The following USP34 variants were observed in gnomAD, a reference collection of about 807,000 sequenced individuals.
USP34 encodes the protein ubiquitin carboxyl-terminal hydrolase 34.
Under a neutral mutation model 460.3 loss-of-function variants are expected in USP34, and 70 were observed. That is an observed-to-expected ratio of 0.15 (90% confidence interval 0.13 to 0.19). USP34 has a LOEUF of 0.19. USP34 is among the 10% of genes least tolerant of loss of function. The probability of loss-of-function intolerance (pLI) is 1.00; values close to 1 mark genes in which losing one functional copy is unlikely to be tolerated. For missense variants in USP34, 3,985 were observed against 4,236.2 expected (o/e 0.94, Z 1.65); for synonymous variants, 1,647 against 1,405.3 (o/e 1.17, Z -3.85).
In USP34 at chr2:61,281,208, T is replaced by C. The variant is rs754032328; in HGVS notation, c.5033A>G (p.Tyr1678Cys). 8.1e-6 allele frequency: 13 copies of C among 1,613,876 alleles called. No homozygotes were observed. Among genetic ancestry groups the C allele is most frequent in the East Asian group, 4.5e-5 (2 of 44,878 alleles). ...ATCCAGCCCTGACAGGGATAACTTA[T>C]AGAGACCACTGCATGATTCATGACG... ...AVRHESCSGL[Y>C]KLSLSGLDGG... The change falls in exon 38 of 80, where the codon TAT becomes TGT. Residue 1678 changes from tyrosine to cysteine, a missense_variant. This residue lies in a region of USP34 where 1,114 missense variants were observed against 1,122.5 expected (regional missense o/e 0.99). Coordinates refer to ENST00000398571, the MANE Select transcript of USP34 (RefSeq NM_014709.4).
chr2:61,470,652 T>C lies in USP34; in HGVS notation c.41A>G (p.Glu14Gly). 2 of 1,593,606 alleles carry C rather than the reference T, an allele frequency of 1.3e-6. No homozygotes were observed. The highest frequency in any genetic ancestry group is 1.7e-6 in the Non-Finnish European group (2 of 1,169,412). ...NCADLVEVLNEISDVEGGDGL... is the reference protein window; with the variant it reads ...NCADLVEVLNGISDVEGGDGL... ...AGGCCGCTACCGCGGCTACTTACTT[T>C]CATTTAACACCTCCACCAGGTCTGC... Residue 14 changes from glutamate (E) to glycine (G), a missense_variant and splice_region_variant, in exon 1 of 80, where the codon GAA becomes GGA. Physicochemically the swap from Glu to Gly is moderately conservative, Grantham distance 98. Coordinates refer to ENST00000398571, the MANE Select transcript of USP34 (RefSeq NM_014709.4).
chr2:61,303,830 C>T (rs1483725363), intron 27 of USP34, among the ~76,000 whole-genome samples: 1 of 150,996 alleles, frequency 6.6e-6, no homozygotes, highest in Non-Finnish European at 1.5e-5. Context: ...CTCCTGACCT[C>T]GTGATCTGCC....
In USP34 at chr2:61,301,204, G is replaced by C. The variant is rs757525300; in HGVS notation, c.3919-44C>G. 1.1e-5 allele frequency: 17 copies of C among 1,558,734 alleles called. No individual in the cohort carries two copies. In the South Asian group the frequency reaches 1.8e-4, roughly 17 times the overall value. ...AAAATTTATGCATATCAAGCTTTTAGTTTAATAAAACGGTAAATCTGAAGT... is the reference window on the plus strand; with the variant it reads ...AAAATTTATGCATATCAAGCTTTTACTTTAATAAAACGGTAAATCTGAAGT... On this transcript the variant is annotated intron_variant, in intron 28 of 79. Coordinates refer to ENST00000398571, the MANE Select transcript of USP34 (RefSeq NM_014709.4).
At chr2:61,295,354 T>C in intron 30 of USP34, 64 bp from the exon 31 acceptor site, 1 of 1,505,948 alleles carries the variant, frequency 6.6e-7, no homozygotes, top group Non-Finnish European at 8.8e-7. Context: ...AGAAAAACTT[T>C]AAACAAACTG....
intron 1 of USP34, among the ~76,000 whole-genome samples, chr2:61,465,636 A>G (rs1695738687): frequency 6.6e-6 from 1 of 152,160 alleles, no homozygotes; most frequent in Non-Finnish European, 1.5e-5. Context: ...TCAGACCAGG[A>G]GTTTGAGACC....
chr2:61,445,656 A>AAAT (rs1695093828), intron 1 of USP34, among the ~76,000 whole-genome samples: 1 of 151,894 alleles, frequency 6.6e-6, no homozygotes, highest in Non-Finnish European at 1.5e-5. Flanking sequence ...AAACTGTATA[A>AAAT]AATAATAATA....
At chr2:61,283,375 T>TA in intron 36 of USP34, 34 bp downstream of exon 36, 4 of 1,586,828 alleles carry the variant, frequency 2.5e-6, no homozygotes, top group Non-Finnish European at 3.4e-6. Flanking sequence ...TTCAAGTTTT[T>TA]ATTTATTAAA....
chr2:61,358,429 G>T (rs993835705), intron 10 of USP34, among the ~76,000 whole-genome samples: 1 of 151,866 alleles, frequency 6.6e-6, no homozygotes, highest in Non-Finnish European at 1.5e-5. Flanking sequence ...CAACCTGGAA[G>T]ATTCCTTTCA....
chr2:61,352,000 C>T (rs1002130699), intron 10 of USP34, among the ~76,000 whole-genome samples: 2 of 152,090 alleles, frequency 1.3e-5, no homozygotes, highest in Admixed American at 6.6e-5. Flanking sequence ...AGTTAAGTAT[C>T]CCCTATCTGA....
chr2:61,283,445 A>C lies in USP34; in HGVS notation c.4837T>G (p.Leu1613Val). Residue 1613 changes from leucine to valine, a missense_variant, in exon 36 of 80, where the codon TTA becomes GTA. Transcript: ENST00000398571. ...GACCTGTGATCAGACTGAGCTTTTA[A>C]AACTCTGTAAAGTAAAAACACCACC... is the stretch of plus-strand genomic sequence containing the variant. The part of the protein sequence containing the change: ...YTYDNLAPRV[L>V]KAQSDHRSRH... The C allele has an allele frequency of 2.5e-6, 4 of 1,605,730 alleles. No individual in the cohort carries two copies. The highest frequency in any genetic ancestry group is 3.4e-6 in the Non-Finnish European group (4 of 1,177,114).
chr2:61,224,679 A>C (rs538243484), intron 62 of USP34, among the ~76,000 whole-genome samples: 1 of 152,342 alleles, frequency 6.6e-6, no homozygotes, highest in East Asian at 1.9e-4. Context: ...AAAAATAATG[A>C]TTTGATTTCC....
intron 1 of USP34, among the ~76,000 whole-genome samples, chr2:61,453,666 C>T (rs1383016529): frequency 2.8e-5 from 4 of 143,102 alleles, no homozygotes; most frequent in African/African-American, 1.1e-4. Flanking sequence ...GCCAAGATTC[C>T]ACCACACCAC....
chr2:61,470,467 G>C (rs1199927896), intron 1 of USP34, among the ~76,000 whole-genome samples, 183 bp downstream of exon 1: 1 of 148,738 alleles, frequency 6.7e-6, no homozygotes, highest in Non-Finnish European at 1.5e-5. Flanking sequence ...CAGGTAACCC[G>C]GCCGGGCTGG....
intron 47 of USP34, 57 bp downstream of exon 47, chr2:61,256,816 G>A (rs1049553518): frequency 2.2e-5 from 29 of 1,328,464 alleles, no homozygotes; most frequent in African/African-American, 9.0e-5. Flanking sequence ...ACACAAACCC[G>A]CTATACACAA....
chr2:61,346,964 C>T (rs1043614504), intron 15 of USP34, among the ~76,000 whole-genome samples: 2 of 151,514 alleles, frequency 1.3e-5, no homozygotes, highest in Non-Finnish European at 2.9e-5. Context: ...ACGGTGAAAC[C>T]CCATCTCTAC....
intron 76 of USP34, among the ~76,000 whole-genome samples, chr2:61,191,550 C>A (rs1394903865): frequency 6.6e-6 from 1 of 152,180 alleles, no homozygotes; most frequent in Non-Finnish European, 1.5e-5. Context: ...GTCTACCAGT[C>A]ACAGCCTGTG....
chr2:61,427,430 C>G (rs890099896), intron 1 of USP34, among the ~76,000 whole-genome samples: 1 of 152,194 alleles, frequency 6.6e-6, no homozygotes, highest in African/African-American at 2.4e-5. Context: ...CAATGCCACT[C>G]AAGAACATCT....
At chr2:61,278,685 A>T (rs1298192110) in intron 39 of USP34, among the ~76,000 whole-genome samples, 31 of 152,206 alleles carry the variant, frequency 2.0e-4, no homozygotes, top group Admixed American at 2.0e-3. Context: ...AAATAAGTCA[A>T]TGACGATTTA....
intron 1 of USP34, among the ~76,000 whole-genome samples, chr2:61,440,345 C>G (rs947233915): frequency 2.0e-5 from 3 of 152,074 alleles, no homozygotes; most frequent in Non-Finnish European, 4.4e-5. Context: ...GACAGGACAT[C>G]AGGAGGAAGC....
Sources: allele counts gnomAD v4.1 joint callset (sites outside exome capture counted in the v4.1 genomes callset), GRCh38; gene constraint gnomAD v4.1.1; regional missense constraint gnomAD v4.1.1; transcripts MANE v1.5; gene names NCBI Gene and HGNC (gene_info 2026-07-23, HGNC 2026-07-21).